Variants in ADK observed in about 807,000 individuals in gnomAD.
ADK encodes the protein N6,N6-dimethyladenosine kinase.
A neutral mutation model predicts 44.7 loss-of-function variants in ADK; 24 were observed. The ratio of observed to expected loss-of-function variants is 0.54; its 90% CI spans 0.39 to 0.76. The LOEUF (loss-of-function observed/expected upper bound fraction) is 0.76. Ranked by LOEUF, ADK falls within the 30% of genes least tolerant of loss-of-function variation. ADK has a pLI of 0.00. For synonymous variants in ADK, 128 were observed against 142.6 expected, an observed-to-expected ratio of 0.90 and a Z score of 0.73; for missense variants, 321 against 425.1, an observed-to-expected ratio of 0.76 and a Z score of 2.15.
At chr10:74,470,781 A>C (rs1242978061) in intron 6 of ADK, among the ~76,000 whole-genome samples, 2 of 151,690 alleles carry the variant, frequency 1.3e-5, no homozygotes, top group African/African-American at 2.4e-5. Context: ...ATAGTTTGTA[A>C]GTTTGGTAGT....
intron 4 of ADK, among the ~76,000 whole-genome samples, chr10:74,358,115 T>C (rs1403218718): frequency 6.6e-6 from 1 of 152,216 alleles, no homozygotes; most frequent in Non-Finnish European, 1.5e-5. Flanking sequence ...GTTACAATAA[T>C]AAAGTTTCAA....
intron 4 of ADK, among the ~76,000 whole-genome samples, chr10:74,324,557 C>T (rs1840943610): frequency 6.6e-6 from 1 of 152,248 alleles, no homozygotes; most frequent in South Asian, 2.1e-4. Context: ...CCAGGTTCCT[C>T]CATGTTATCA....
At chr10:74,199,615 G>A (rs1843301494) in intron 1 of ADK, among the ~76,000 whole-genome samples, 1 of 152,112 alleles carries the variant, frequency 6.6e-6, no homozygotes, top group Admixed American at 6.5e-5. Context: ...TTGATTCCAT[G>A]TCTTTGCTAT....
intron 7 of ADK, among the ~76,000 whole-genome samples, chr10:74,569,243 G>A (rs924057355): frequency 2.0e-5 from 3 of 152,174 alleles, no homozygotes; most frequent in Admixed American, 1.3e-4. Context: ...ACATACGTGT[G>A]CATGTGTCTT....
chr10:74,234,151 A>T (rs1228954219), intron 3 of ADK, among the ~76,000 whole-genome samples: 1 of 152,210 alleles, frequency 6.6e-6, no homozygotes, highest in East Asian at 1.9e-4. Flanking sequence ...AATGATATAG[A>T]CTTGGGGGTC....
chr10:74,305,960 A>G (rs1214559903), intron 3 of ADK, among the ~76,000 whole-genome samples: 1 of 152,116 alleles, frequency 6.6e-6, no homozygotes, highest in Non-Finnish European at 1.5e-5. Context: ...CGTGGGTTCA[A>G]GCAGTCCTCC....
intron 6 of ADK, among the ~76,000 whole-genome samples, chr10:74,511,435 A>G (rs374171665): frequency 2.0e-5 from 3 of 152,122 alleles, no homozygotes; most frequent in Non-Finnish European, 4.4e-5. Context: ...CACTGAATCT[A>G]TAGATGTCTT....
chr10:74,477,942 T>C (rs1321141505), intron 6 of ADK, among the ~76,000 whole-genome samples: 2 of 152,248 alleles, frequency 1.3e-5, no homozygotes, highest in African/African-American at 4.8e-5. Flanking sequence ...AAACTATATT[T>C]CCCAAATTAT....
chr10:74,456,785 G>T (rs1157372559), intron 6 of ADK, among the ~76,000 whole-genome samples: 1 of 151,306 alleles, frequency 6.6e-6, no homozygotes, highest in Non-Finnish European at 1.5e-5. Context: ...GAACCATTGA[G>T]AACAAAGACA....
intron 1 of ADK, among the ~76,000 whole-genome samples, chr10:74,163,258 GC>G (rs1319723339): frequency 6.6e-6 from 1 of 152,170 alleles, no homozygotes; most frequent in Non-Finnish European, 1.5e-5. Context: ...GAGCCACTGT[GC>G]CCGGCCAACA....
chr10:74,702,423 C>T (rs1188565757), intron 10 of ADK, among the ~76,000 whole-genome samples: 1 of 151,606 alleles, frequency 6.6e-6, no homozygotes, highest in Non-Finnish European at 1.5e-5. Context: ...ACCTTGTGAT[C>T]CGCCCCCCTC....
At chr10:74,652,924 A>G (rs1038615198) in intron 9 of ADK, among the ~76,000 whole-genome samples, 14 of 152,178 alleles carry the variant, frequency 9.2e-5, no homozygotes, top group Admixed American at 7.9e-4. Context: ...AGATGAAGGC[A>G]TTGAATGGTG....
chr10:74,682,104 GA>G (rs1855627866), intron 10 of ADK, among the ~76,000 whole-genome samples: 1 of 152,142 alleles, frequency 6.6e-6, no homozygotes, highest in South Asian at 2.1e-4. Flanking sequence ...TATGCTCCAT[GA>G]AGAAGAATGA....
intron 7 of ADK, among the ~76,000 whole-genome samples, chr10:74,552,156 A>C (rs1850057755): frequency 6.6e-6 from 1 of 152,080 alleles, no homozygotes; most frequent in African/African-American, 2.4e-5. Flanking sequence ...GTTTTCCCCA[A>C]CTGTTTCTGT....
intron 3 of ADK, among the ~76,000 whole-genome samples, chr10:74,280,242 A>G (rs1846874647): frequency 6.6e-6 from 1 of 152,042 alleles, no homozygotes; most frequent in Admixed American, 6.6e-5. Context: ...AGCTGGGACT[A>G]CAGGCATGTG....
At chr10:74,594,945 G>A (rs1411006768) in intron 8 of ADK, among the ~76,000 whole-genome samples, 1 of 152,132 alleles carries the variant, frequency 6.6e-6, no homozygotes, top group Non-Finnish European at 1.5e-5. Flanking sequence ...GGAGGCCAAG[G>A]TGGGTGGATC....
chr10:74,532,727 C>T (rs1278155291), intron 7 of ADK, among the ~76,000 whole-genome samples: 2 of 151,442 alleles, frequency 1.3e-5, no homozygotes, highest in Non-Finnish European at 2.9e-5. Context: ...ATGGCAAAAC[C>T]GCGTCTCTAC....
At chr10:74,541,270 C>G (rs1301025738) in intron 7 of ADK, among the ~76,000 whole-genome samples, 4 of 152,152 alleles carry the variant, frequency 2.6e-5, no homozygotes, top group African/African-American at 9.7e-5. Context: ...CTGCCTTGGC[C>G]TCGCAAAGTG....
In ADK at chr10:74,708,928, C is replaced by G. The variant is rs1856696615; in HGVS notation, c.*483C>G. The G allele has an allele frequency of 6.4e-6, 1 of 156,828 alleles. No homozygotes were observed. The highest frequency in any genetic ancestry group is 1.4e-5 in the Non-Finnish European group (1 of 70,942). 9.7% of individuals were successfully genotyped at this position (156,828 alleles called of 1,614,324 possible). On this transcript the variant is annotated 3_prime_UTR_variant, in exon 11 of 11. Coordinates refer to ENST00000539909, the MANE Select transcript of ADK (RefSeq NM_006721.4). ...ATACATAAATATACCACATATACAC[C>G]TGATAGTCAAATAAGGTACAGAAAT...
Sources: gnomAD v4.1 joint callset for allele counts (sites outside exome capture counted in the v4.1 genomes callset) on GRCh38, gnomAD v4.1.1 for gene constraint, MANE v1.5 for transcripts, NCBI Gene and HGNC (gene_info 2026-07-23, HGNC 2026-07-21) for gene names.